TRAPPC9: variants seen among roughly 807,000 people sequenced by gnomAD.
TRAPPC9 encodes the protein IKK2 binding protein.
In TRAPPC9, 83 loss-of-function variants were observed where a neutral mutation model predicts 124.0. The observed-to-expected ratio is 0.67, with a 90% CI of 0.56 to 0.80. The LOEUF is 0.80. Among genes scored for constraint, TRAPPC9 ranks in the 30% least tolerant of loss-of-function variants. The pLI, the probability that TRAPPC9 is intolerant of heterozygous loss-of-function variation, is 0.00. For synonymous variants in TRAPPC9, 638 were observed against 617.5 expected, an observed-to-expected ratio of 1.03 and a Z score of -0.49; for missense variants, 1,302 against 1,508.3, an observed-to-expected ratio of 0.86 and a Z score of 2.27.
At chr8:139,947,086 A>G (rs1390132679) in intron 19 of TRAPPC9, among the ~76,000 whole-genome samples, 1 of 152,214 alleles carries the variant, frequency 6.6e-6, no homozygotes, top group Non-Finnish European at 1.5e-5. Context: ...TGAGTTGGTA[A>G]TTAAATTGCA....
rs187905280 is a variant in TRAPPC9 at position 140,378,283 on chromosome 8, G to T, written c.1135-7103C>A. 6.6e-3 allele frequency among the ~76,000 whole-genome samples: 1,004 copies of T among 152,236 alleles called. 10 individuals carry two copies. Among genetic ancestry groups the T allele is most frequent in the African/African-American group, 0.022 (927 of 41,536 alleles). Reference sequence around the variant, plus strand: ...TGATCCTGGGTGTGTCTGGGAGGGTGCTGCCAAAGGAGATTAACATTTGAC... The same window carrying T: ...TGATCCTGGGTGTGTCTGGGAGGGTTCTGCCAAAGGAGATTAACATTTGAC... On this transcript the variant is annotated intron_variant, in intron 7 of 22. Transcript: ENST00000438773.
chr8:140,313,114 T>C (rs2066344142), intron 9 of TRAPPC9, among the ~76,000 whole-genome samples: 1 of 152,216 alleles, frequency 6.6e-6, no homozygotes, highest in Non-Finnish European at 1.5e-5. Flanking sequence ...AGAATTACTT[T>C]TGAATACAAC....
intron 9 of TRAPPC9, among the ~76,000 whole-genome samples, chr8:140,337,883 G>A (rs1342398667): frequency 2.0e-5 from 3 of 151,800 alleles, no homozygotes. Context: ...GCCTGGTGCA[G>A]GTGTTCTGGA....
At chr8:140,075,409 C>G (rs1314056953) in intron 17 of TRAPPC9, among the ~76,000 whole-genome samples, 1 of 152,188 alleles carries the variant, frequency 6.6e-6, no homozygotes. Context: ...ACAGACAGCA[C>G]GAATGTCAGA....
In TRAPPC9 at chr8:139,802,226, G is replaced by T. The variant is rs565550741; in HGVS notation, c.3056-70024C>A. On this transcript the variant is annotated intron_variant, in intron 21 of 22. Coordinates refer to ENST00000438773, the MANE Select transcript of TRAPPC9 (RefSeq NM_001160372.4). Reference sequence around the variant, plus strand: ...CCTGCACAAATGTACTTGGAGTGAAGACTGCCCACCTGATCATGGCGCAGG... The same window carrying T: ...CCTGCACAAATGTACTTGGAGTGAATACTGCCCACCTGATCATGGCGCAGG... Among the ~76,000 whole-genome samples the T allele has an allele frequency of 4.6e-5, 7 of 152,348 alleles. No individual in the cohort carries two copies. In the South Asian group the frequency reaches 1.4e-3, roughly 32 times the overall value.
At chr8:140,152,915 G>T (rs1384301149) in intron 17 of TRAPPC9, among the ~76,000 whole-genome samples, 1 of 152,088 alleles carries the variant, frequency 6.6e-6, no homozygotes, top group Admixed American at 6.5e-5. Flanking sequence ...GCACAATGTT[G>T]AATCTAAGTG....
At chr8:140,179,353 T>C (rs2062148537) in intron 17 of TRAPPC9, among the ~76,000 whole-genome samples, 1 of 152,136 alleles carries the variant, frequency 6.6e-6, no homozygotes, top group African/African-American at 2.4e-5. Context: ...TAGAAATGTG[T>C]TGCTTAATTT....
intron 20 of TRAPPC9, among the ~76,000 whole-genome samples, chr8:139,888,195 A>G (rs1379456370): frequency 6.6e-6 from 1 of 152,158 alleles, no homozygotes; most frequent in Non-Finnish European, 1.5e-5. Flanking sequence ...GCCGGCAGAG[A>G]TGCCCTGGCC....
intron 17 of TRAPPC9, among the ~76,000 whole-genome samples, chr8:140,126,044 TTACAGGC>T (rs2130659624): frequency 6.6e-6 from 1 of 152,226 alleles, no homozygotes; most frequent in South Asian, 2.1e-4. Flanking sequence ...AGTGCTGGGA[TTACAGGC>T]ATGAGCCACA....
intron 17 of TRAPPC9, chr8:140,098,856 C>G (rs746604175): frequency 5.3e-5 from 8 of 151,548 alleles, no homozygotes; most frequent in Non-Finnish European, 1.2e-4. Context: ...GCAGCAATCC[C>G]GCGATCCACA....
chr8:140,287,596 G>C lies in TRAPPC9; in HGVS notation c.1981+12C>G, dbSNP rs377319160. On this transcript the variant is annotated intron_variant, in intron 13 of 22. Transcript: ENST00000438773. ...CCCTCCTGAGCAGGAAGCATGAAGG[G>C]ACTCTCCTTACCGTTCACAGTAATC... is the stretch of plus-strand genomic sequence containing the variant. The C allele has an allele frequency of 3.3e-5, 54 of 1,613,926 alleles. No individual in the cohort carries two copies. The highest frequency in any genetic ancestry group is 1.6e-4 in the Middle Eastern group (1 of 6,084).
chr8:139,737,599 G>A (rs1372337866), intron 21 of TRAPPC9, among the ~76,000 whole-genome samples: 3 of 151,990 alleles, frequency 2.0e-5, no homozygotes, highest in East Asian at 1.9e-4. Context: ...CAAATGAGCC[G>A]CCTCTTGGCA....
At chr8:140,244,741 C>T (rs1228061085) in intron 16 of TRAPPC9, among the ~76,000 whole-genome samples, 1 of 151,104 alleles carries the variant, frequency 6.6e-6, no homozygotes, top group Non-Finnish European at 1.5e-5. Context: ...TTTTCAATCT[C>T]ATCAGATGAC....
intron 5 of TRAPPC9, among the ~76,000 whole-genome samples, chr8:140,416,910 C>T (rs1028867600): frequency 3.9e-5 from 6 of 152,032 alleles, no homozygotes; most frequent in East Asian, 1.9e-4. Context: ...TCAGAAATAA[C>T]GCCACACATC....
intron 17 of TRAPPC9, among the ~76,000 whole-genome samples, chr8:140,078,178 T>TCAAATTG (rs1843618402): frequency 6.6e-6 from 1 of 152,220 alleles, no homozygotes; most frequent in South Asian, 2.1e-4. Context: ...TTCTCTGCGT[T>TCAAATTG]CAAATTGCAA....
At chr8:139,992,012 T>C (rs961917136) in intron 18 of TRAPPC9, among the ~76,000 whole-genome samples, 4 of 152,044 alleles carry the variant, frequency 2.6e-5, no homozygotes, top group Admixed American at 2.6e-4. Context: ...GCAGGACCAA[T>C]GGGGTTGTTT....
At chr8:140,090,798 G>A (rs1483862384) in intron 17 of TRAPPC9, among the ~76,000 whole-genome samples, 1 of 152,248 alleles carries the variant, frequency 6.6e-6, no homozygotes, top group Non-Finnish European at 1.5e-5. Context: ...GCCTTGCCTT[G>A]CAGCCTGGCT....
chr8:139,885,455 A>G (rs1378970907), intron 21 of TRAPPC9, among the ~76,000 whole-genome samples: 2 of 152,146 alleles, frequency 1.3e-5, no homozygotes, highest in African/African-American at 4.8e-5. Context: ...CAAGGGGTTC[A>G]CCACACCCTG....
intron 10 of TRAPPC9, among the ~76,000 whole-genome samples, chr8:140,306,894 T>C (rs2066152695): frequency 6.6e-6 from 1 of 152,222 alleles, no homozygotes; most frequent in Non-Finnish European, 1.5e-5. Flanking sequence ...ACTTTTGATC[T>C]GAAGCAGTGT....
Sources: allele counts gnomAD v4.1 joint callset (sites outside exome capture counted in the v4.1 genomes callset), GRCh38; gene constraint gnomAD v4.1.1; transcripts MANE v1.5; gene names NCBI Gene and HGNC (gene_info 2026-07-23, HGNC 2026-07-21).